Variants in NELL1 observed in about 807,000 individuals in gnomAD.
NELL1 encodes neural EGFL like 1, also known as protein kinase C-binding protein NELL1.
NELL1 carries 76 observed loss-of-function variants against 107.4 expected under a neutral mutation model. That is an observed-to-expected ratio of 0.71 (90% confidence interval 0.59 to 0.86). NELL1 has a LOEUF of 0.86. Among genes scored for constraint, NELL1 ranks in the 40% least tolerant of loss-of-function variants. NELL1 has a pLI of 0.00. For missense variants in NELL1, 1,024 were observed against 1,005.5 expected (o/e 1.02, Z -0.25); for synonymous variants, 353 against 341.2 (o/e 1.03, Z -0.38).
chr11:21,562,585 T>C (rs989925508), intron 17 of NELL1, among the ~76,000 whole-genome samples: 2 of 152,034 alleles, frequency 1.3e-5, no homozygotes, highest in African/African-American at 4.8e-5. Context: ...CTTGTTTCTA[T>C]TATTTGAAGT....
intron 2 of NELL1, among the ~76,000 whole-genome samples, chr11:20,742,533 C>T (rs189752714): frequency 1.5e-4 from 23 of 152,276 alleles, no homozygotes; most frequent in African/African-American, 5.5e-4. Flanking sequence ...GTTTAATAGA[C>T]TCACAGTTCC....
At chr11:20,803,225 A>G (rs1357525616) in intron 3 of NELL1, among the ~76,000 whole-genome samples, 2 of 152,130 alleles carry the variant, frequency 1.3e-5, no homozygotes, top group Non-Finnish European at 2.9e-5. Flanking sequence ...ATTTTTCATT[A>G]CATCTTGTAT....
At chr11:21,234,285 T>A (rs991094437) in intron 14 of NELL1, among the ~76,000 whole-genome samples, 3 of 152,208 alleles carry the variant, frequency 2.0e-5, no homozygotes, top group Admixed American at 1.3e-4. Flanking sequence ...TCCCATGATC[T>A]CTCTCTTCTC....
intron 14 of NELL1, among the ~76,000 whole-genome samples, chr11:21,327,793 C>G: frequency 6.6e-6 from 1 of 151,966 alleles, no homozygotes; most frequent in East Asian, 1.9e-4. Flanking sequence ...GAGGTGGTCT[C>G]GGATGGAGAT....
chr11:21,489,394 A>AAAAAAAAAAAAAAAAAAAAAAAAAAAAAC, intron 15 of NELL1, among the ~76,000 whole-genome samples: 1 of 146,828 alleles, frequency 6.8e-6, no homozygotes, highest in Non-Finnish European at 1.5e-5. Context: ...AAAAAAAAAA[A>AAAAAAAAAAAAAAAAAAAAAAAAAAAAAC]AAAAAAAAAA....
At chr11:21,562,339 T>C (rs1316479717) in intron 17 of NELL1, among the ~76,000 whole-genome samples, 1 of 152,054 alleles carries the variant, frequency 6.6e-6, no homozygotes, top group Non-Finnish European at 1.5e-5. Flanking sequence ...GTAATCTAAT[T>C]TTGTTAATAT....
intron 15 of NELL1, among the ~76,000 whole-genome samples, chr11:21,523,239 AC>A (rs1448659731): frequency 1.3e-5 from 2 of 152,042 alleles, no homozygotes; most frequent in Non-Finnish European, 2.9e-5. Flanking sequence ...TTCTAGTTTA[AC>A]TTGTTTGTGC....
At chr11:21,269,511 C>T (rs1345258976) in intron 14 of NELL1, among the ~76,000 whole-genome samples, 1 of 151,908 alleles carries the variant, frequency 6.6e-6, no homozygotes, top group Non-Finnish European at 1.5e-5. Context: ...TCTTAGAAAT[C>T]ATGCAAACAA....
At chr11:20,745,610 A>G (rs1037527288) in intron 2 of NELL1, among the ~76,000 whole-genome samples, 25 of 152,354 alleles carry the variant, frequency 1.6e-4, no homozygotes, top group African/African-American at 5.8e-4. Flanking sequence ...GTAGGTTACT[A>G]GTAAGTAATC....
chr11:20,786,483 G>C (rs551908976), intron 3 of NELL1, among the ~76,000 whole-genome samples: 4 of 152,154 alleles, frequency 2.6e-5, no homozygotes, highest in South Asian at 4.2e-4. Context: ...CAGCACCAAA[G>C]TATATTAGCA....
chr11:20,674,411 C>G, intron 1 of NELL1: 2 of 1,134,580 alleles, frequency 1.8e-6, no homozygotes, highest in Non-Finnish European at 2.6e-6. Flanking sequence ...ATAGTTTCCC[C>G]GAGTCCTCAT....
intron 12 of NELL1, among the ~76,000 whole-genome samples, chr11:20,988,429 G>GTA (rs59442800): frequency 8.0e-6 from 1 of 125,554 alleles, no homozygotes; most frequent in African/African-American, 3.3e-5. Flanking sequence ...ACATATGTGT[G>GTA]TATATATATC....
At chr11:21,016,986 G>A (rs1852580382) in intron 12 of NELL1, among the ~76,000 whole-genome samples, 1 of 151,998 alleles carries the variant, frequency 6.6e-6, no homozygotes, top group Non-Finnish European at 1.5e-5. Flanking sequence ...AGGTGTTCTT[G>A]GGAAAGTCAT....
chr11:21,318,559 C>G lies in NELL1; in HGVS notation c.1550-52294C>G, dbSNP rs115520235. Among the ~76,000 whole-genome samples the G allele has an allele frequency of 8.9e-3, 1,356 of 152,156 alleles. 25 individuals carry two copies. Among genetic ancestry groups the G allele is most frequent in the African/African-American group, 0.031 (1,292 of 41,506 alleles). On this transcript the variant is annotated intron_variant, in intron 14 of 19. Coordinates refer to ENST00000357134, the MANE Select transcript of NELL1 (RefSeq NM_006157.5). ...CGAGAACTCCTTCTTTCAGGAAGGA[C>G]CTCACCCTCATAATACCTCTATTTT...
In NELL1 at chr11:20,720,707, G is replaced by T. The variant is rs76029874; in HGVS notation, c.184+42647G>T. 2.6e-3 allele frequency among the ~76,000 whole-genome samples: 395 copies of T among 152,172 alleles called. 6 individuals carry two copies. In the East Asian group the frequency reaches 0.069, roughly 26 times the overall value. On this transcript the variant is annotated intron_variant, in intron 2 of 19. Coordinates refer to ENST00000357134, the MANE Select transcript of NELL1 (RefSeq NM_006157.5). ...GGGCTCTCTCCCTGGCTTGTAGATGGCTGTCTTCTCTCTATGTCTCTTCAA... is the reference window on the plus strand; with the variant it reads ...GGGCTCTCTCCCTGGCTTGTAGATGTCTGTCTTCTCTCTATGTCTCTTCAA...
rs183871106 is a variant in NELL1 at position 20,787,158 on chromosome 11, C to T, written c.335+3328C>T. Among the ~76,000 whole-genome samples, 240 of 151,694 alleles carry T rather than the reference C, an allele frequency of 1.6e-3. 2 individuals carry two copies. The Middle Eastern group carries it at 0.024, about 15-fold the overall frequency. Reference sequence around the variant, plus strand: ...TATGAAGAAGTAGATACTAGATCCCCTCTCCCTCTGGACTTTATGATGCCC... The same window carrying T: ...TATGAAGAAGTAGATACTAGATCCCTTCTCCCTCTGGACTTTATGATGCCC... On this transcript the variant is annotated intron_variant, in intron 3 of 19. Coordinates refer to ENST00000357134, the MANE Select transcript of NELL1 (RefSeq NM_006157.5).
At chr11:21,047,853 A>T (rs949212824) in intron 12 of NELL1, among the ~76,000 whole-genome samples, 1 of 152,144 alleles carries the variant, frequency 6.6e-6, no homozygotes, top group Admixed American at 6.5e-5. Context: ...GCAGCTGAGG[A>T]TGTGAGCGAA....
intron 14 of NELL1, among the ~76,000 whole-genome samples, chr11:21,234,756 G>C (rs1858157959): frequency 6.6e-6 from 1 of 152,186 alleles, no homozygotes; most frequent in Admixed American, 6.5e-5. Flanking sequence ...GGAAAACACA[G>C]AAAGCCAGAA....
intron 15 of NELL1, among the ~76,000 whole-genome samples, chr11:21,498,058 G>A (rs1490670789): frequency 6.6e-6 from 1 of 151,540 alleles, no homozygotes; most frequent in Non-Finnish European, 1.5e-5. Flanking sequence ...AATACAGCCA[G>A]GCAGAAAAGT....
Sources: allele counts gnomAD v4.1 joint callset (sites outside exome capture counted in the v4.1 genomes callset), GRCh38; gene constraint gnomAD v4.1.1; transcripts MANE v1.5; gene names NCBI Gene and HGNC (gene_info 2026-07-23, HGNC 2026-07-21).